Variants in RP1L1 observed in about 807,000 individuals in gnomAD.
The protein encoded by RP1L1 is retinitis pigmentosa 1-like 1 protein.
In RP1L1, 27 loss-of-function variants were observed where a neutral mutation model predicts 15.7. The ratio of observed to expected loss-of-function variants is 1.72; its 90% CI spans 1.27 to 2.38. RP1L1 has a LOEUF of 2.38. RP1L1 is among the 30% of genes most tolerant of loss of function. RP1L1 has a pLI of 0.00. For synonymous variants in RP1L1, 1,813 were observed against 1,276.7 expected, an observed-to-expected ratio of 1.42 and a Z score of -8.96; for missense variants, 4,798 against 3,075.9, an observed-to-expected ratio of 1.56 and a Z score of -13.24.
At chr8:10,630,035 G>C (rs764403517) in intron 1 of RP1L1, among the ~76,000 whole-genome samples, 2 of 152,196 alleles carry the variant, frequency 1.3e-5, no homozygotes, top group African/African-American at 4.8e-5. Flanking sequence ...CCCATCCTGA[G>C]TGGGAGTCAG....
intron 1 of RP1L1, among the ~76,000 whole-genome samples, chr8:10,627,655 A>G (rs1798179655): frequency 6.6e-6 from 1 of 152,128 alleles, no homozygotes; most frequent in Non-Finnish European, 1.5e-5. Flanking sequence ...ATATAAAAAA[A>G]AAAGTAAAAA....
At position 10,608,780 on chromosome 8, in the gene RP1L1, T is replaced by A. The variant is rs932699488; in HGVS notation, c.5318A>T (p.Glu1773Val). 1 of 1,614,180 alleles carries A rather than the reference T, an allele frequency of 6.2e-7. No homozygotes were observed. The highest frequency in any genetic ancestry group is 8.5e-7 in the Non-Finnish European group (1 of 1,180,046). The part of the protein sequence containing the change: ...AEGDAMAQER[E>V]GKTHNSETSA... ...GGTTTCACTGTTGTGGGTTTTCCCT[T>A]CTCTCTCCTGAGCCATTGCATCTCC... Residue 1773 changes from glutamate (E) to valine (V), a missense_variant, in exon 4 of 4, where the codon GAA becomes GTA. Glu to Val is a moderately radical substitution (Grantham distance 121). Transcript: ENST00000382483.
At chr8:10,623,585 A>C (rs13260312) in intron 1 of RP1L1, among the ~76,000 whole-genome samples, 2 of 144,078 alleles carry the variant, frequency 1.4e-5, no homozygotes, top group South Asian at 4.5e-4. Context: ...CCAGTACTTC[A>C]ATGTCCCCAG....
At position 10,616,409 on chromosome 8, in the gene RP1L1, T is replaced by C. The variant is rs752473157; in HGVS notation, c.751+37A>G. 3 of 1,613,854 alleles carry C rather than the reference T, an allele frequency of 1.9e-6. No homozygotes were observed. In the African/African-American group the frequency reaches 4.0e-5, roughly 22 times the overall value. ...TCAGCCCTACTGAACCACCATGCAGTGCAAATCAGATGGGGGAAACCCAAA... is the reference window on the plus strand; with the variant it reads ...TCAGCCCTACTGAACCACCATGCAGCGCAAATCAGATGGGGGAAACCCAAA... On this transcript the variant is annotated intron_variant, in intron 3 of 3. Transcript: ENST00000382483.
chr8:10,627,952 C>G (rs1798183827), intron 1 of RP1L1, among the ~76,000 whole-genome samples: 1 of 152,220 alleles, frequency 6.6e-6, no homozygotes, highest in Non-Finnish European at 1.5e-5. Flanking sequence ...TGTGCCAGAC[C>G]TTTACTTAGA....
chr8:10,612,364 G>C lies in RP1L1; in HGVS notation c.1734C>G (p.Ala578=), dbSNP rs755017588. The C allele has an allele frequency of 1.2e-6, 2 of 1,613,046 alleles. No individual in the cohort carries two copies. The highest frequency in any genetic ancestry group is 1.7e-6 in the Non-Finnish European group (2 of 1,180,032). The change falls in exon 4 of 4, where the codon GCC becomes GCG. Residue 578 remains alanine, a synonymous_variant. Transcript: ENST00000382483. ...CACTCCTTAAAGATGAAAGACTCAG[G>C]GCTGGAGAAGCGGGGTCGCCTCCCT... ...ASEGGDPASP[A]LSLSSLRSDD... is the part of the protein sequence containing the mutation.
At chr8:10,622,102 A>C (rs973307708) in intron 2 of RP1L1, among the ~76,000 whole-genome samples, 2 of 152,004 alleles carry the variant, frequency 1.3e-5, no homozygotes, top group African/African-American at 4.8e-5. Context: ...CGGGCAGATC[A>C]CCTGAGGTTG....
At chr8:10,616,323 T>A (rs1797964002) in intron 3 of RP1L1, 123 bp downstream of exon 3, 8 of 1,278,784 alleles carry the variant, frequency 6.3e-6, no homozygotes, top group Non-Finnish European at 9.1e-6. Context: ...CCAAAATGAC[T>A]GGGATACCCA....
In RP1L1 at chr8:10,612,140, C is replaced by T. The variant is rs761344455; in HGVS notation, c.1958G>A (p.Ser653Asn). The part of the protein sequence containing the change: ...SRASAMSSPS[S>N]PGLGRVAPRG... ...CGGGGCCACTCGGCCAAGGCCAGGG[C>T]TGCTGGGTGAGGACATTGCACTGGC... The change falls in exon 4 of 4, where the codon AGC becomes AAC. Residue 653 changes from serine (S) to asparagine (N), a missense_variant. Transcript: ENST00000382483. 15 of 1,613,620 alleles carry T rather than the reference C, an allele frequency of 9.3e-6. No homozygotes were observed. Among genetic ancestry groups the T allele is most frequent in the Non-Finnish European group, 1.2e-5 (14 of 1,180,038 alleles).
At chr8:10,616,174 G>C (rs1343787331) in intron 3 of RP1L1, among the ~76,000 whole-genome samples, 1 of 152,132 alleles carries the variant, frequency 6.6e-6, no homozygotes, top group Admixed American at 6.5e-5. Flanking sequence ...CCCCCAAACG[G>C]CTGGAATTAC....
intron 1 of RP1L1, among the ~76,000 whole-genome samples, chr8:10,625,181 G>A (rs1483971018): frequency 6.6e-6 from 1 of 152,206 alleles, no homozygotes; most frequent in Non-Finnish European, 1.5e-5. Flanking sequence ...ATCAGGAGCA[G>A]GGGAAGACCT....
rs752031060 is a variant in RP1L1 at position 10,612,293 on chromosome 8, G to A, written c.1805C>T (p.Thr602Met). The change falls in exon 4 of 4, where the codon ACG becomes ATG. Residue 602 changes from threonine to methionine, a missense_variant. By Grantham distance (81) the Thr-to-Met change is moderately conservative (BLOSUM62 -1). Transcript: ENST00000382483. ...AGGCTCCCTTGTCACAGCCGCTCCC[G>A]TGGCCTGCTCGGTGCCCTGTCCTTG... ...ETQGQGTEQA[T>M]GAAVTREPLV... The A allele has an allele frequency of 2.4e-5, 39 of 1,613,080 alleles. No individual in the cohort carries two copies. The highest frequency in any genetic ancestry group is 6.7e-5 in the East Asian group (3 of 44,888).
At chr8:10,645,636 C>T (rs1423644271) in intron 1 of RP1L1, among the ~76,000 whole-genome samples, 2 of 152,140 alleles carry the variant, frequency 1.3e-5, no homozygotes, top group Non-Finnish European at 2.9e-5. Flanking sequence ...GCCATGGGCA[C>T]GTCCTGCCAG....
intron 1 of RP1L1, among the ~76,000 whole-genome samples, chr8:10,638,345 C>G (rs1208664681): frequency 6.6e-6 from 1 of 152,120 alleles, no homozygotes; most frequent in Non-Finnish European, 1.5e-5. Flanking sequence ...GAAATAGAAA[C>G]TTCCCCTGAA....
At position 10,611,877 on chromosome 8, in the gene RP1L1, T is replaced by G; in HGVS notation, c.2221A>C (p.Thr741Pro). The G allele has an allele frequency of 6.2e-7, 1 of 1,613,700 alleles. No individual in the cohort carries two copies. Among genetic ancestry groups the G allele is most frequent in the East Asian group, 2.2e-5 (1 of 44,866 alleles). ...DLLGTSSATV[T>P]PAVHSDFVSG... ...ACAAAATCCGAGTGGACTGCAGGGG[T>G]GACAGTGGCACTGCTGGTTCCCAGA... The change falls in exon 4 of 4, where the codon ACC (threonine) becomes CCC (proline). Residue 741 changes from threonine to proline, a missense_variant. By Grantham distance (38) the Thr-to-Pro change is conservative (BLOSUM62 -1). Coordinates refer to ENST00000382483, the MANE Select transcript of RP1L1 (RefSeq NM_178857.6).
intron 1 of RP1L1, among the ~76,000 whole-genome samples, chr8:10,651,426 T>C (rs918984967): frequency 2.6e-5 from 4 of 152,118 alleles, no homozygotes; most frequent in Admixed American, 1.3e-4. Context: ...AACTAAAAAA[T>C]AGAAATAAAA....
chr8:10,651,127 G>C (rs1007653381), intron 1 of RP1L1, among the ~76,000 whole-genome samples: 2 of 152,206 alleles, frequency 1.3e-5, no homozygotes, highest in African/African-American at 4.8e-5. Context: ...AACTGACTCT[G>C]CCAAGCTCCA....
At chr8:10,613,491 C>T (rs574346999) in intron 3 of RP1L1, 145 bp from the exon 4 acceptor site, 186 of 1,240,648 alleles carry the variant, frequency 1.5e-4, no homozygotes, top group Admixed American at 2.5e-4. Flanking sequence ...CAGCTGTGCG[C>T]GGTGGCTCAG....
chr8:10,651,502 G>C (rs1000950724), intron 1 of RP1L1, among the ~76,000 whole-genome samples: 2 of 152,166 alleles, frequency 1.3e-5, no homozygotes, highest in Non-Finnish European at 2.9e-5. Context: ...GCTGAGGTGG[G>C]CAGATCACGG....
Sources: allele counts gnomAD v4.1 joint callset (sites outside exome capture counted in the v4.1 genomes callset), GRCh38; gene constraint gnomAD v4.1.1; transcripts MANE v1.5; gene names NCBI Gene and HGNC (gene_info 2026-07-23, HGNC 2026-07-21).